Variants in PCDH15 observed in about 807,000 individuals in gnomAD.
The protein encoded by PCDH15 is protocadherin-15.
PCDH15 carries 129 observed loss-of-function variants against 178.5 expected under a neutral mutation model. That is an observed-to-expected ratio of 0.72 (90% CI 0.63 to 0.84). PCDH15 has a LOEUF of 0.84. Among genes scored for constraint, PCDH15 ranks in the 40% least tolerant of loss-of-function variants. The probability of loss-of-function intolerance (pLI) is 0.00; values close to 1 mark genes in which losing one functional copy is unlikely to be tolerated. For synonymous variants in PCDH15, 800 were observed against 732.0 expected, an observed-to-expected ratio of 1.09 and a Z score of -1.50; for missense variants, 2,230 against 2,099.9, an observed-to-expected ratio of 1.06 and a Z score of -1.21.
chr10:53,972,097 C>T (rs548355886), intron 21 of PCDH15, among the ~76,000 whole-genome samples: 1 of 152,164 alleles, frequency 6.6e-6, no homozygotes, highest in South Asian at 2.1e-4. Context: ...GAGATATAGG[C>T]CAATGGAACA....
intron 2 of PCDH15, among the ~76,000 whole-genome samples, chr10:55,422,235 G>T (rs1446277092): frequency 6.6e-6 from 1 of 151,720 alleles, no homozygotes; most frequent in African/African-American, 2.4e-5. Flanking sequence ...CATTTGATAA[G>T]AAATGCCTTC....
chr10:54,728,807 A>G (rs1240820667), intron 1 of PCDH15, among the ~76,000 whole-genome samples: 1 of 151,600 alleles, frequency 6.6e-6, no homozygotes, highest in African/African-American at 2.4e-5. Flanking sequence ...GCCAATCAAG[A>G]GCACAATTGC....
intron 9 of PCDH15, among the ~76,000 whole-genome samples, chr10:54,225,761 T>C (rs1407662334): frequency 6.6e-6 from 1 of 152,228 alleles, no homozygotes; most frequent in Non-Finnish European, 1.5e-5. Context: ...CTTTAACGTT[T>C]TAGGGGCATA....
At position 54,812,761 on chromosome 10, in the gene PCDH15, T is replaced by A. The variant is rs534568892; in HGVS notation, c.-29+84689A>T. On this transcript the variant is annotated intron_variant, in intron 3 of 5. Transcript: ENST00000458638. ...TGTGAGCCACCACACCCAGCCTTTT[T>A]AAAATATTATTATTTTTCGTAGAGA... Among the ~76,000 whole-genome samples the A allele has an allele frequency of 3.9e-5, 6 of 152,210 alleles. No individual in the cohort carries two copies. The South Asian group carries it at 6.2e-4, about 16-fold the overall frequency.
chr10:54,021,056 G>A (rs936270448), intron 19 of PCDH15, among the ~76,000 whole-genome samples: 2 of 151,942 alleles, frequency 1.3e-5, no homozygotes. Flanking sequence ...CACAATTACT[G>A]CCCTACAGGT....
intron 2 of PCDH15, among the ~76,000 whole-genome samples, chr10:55,590,140 A>T (rs1842812590): frequency 6.6e-6 from 1 of 151,840 alleles, no homozygotes; most frequent in Admixed American, 6.6e-5. Flanking sequence ...GCCATAAAAA[A>T]GGATGAGTTC....
At chr10:55,471,602 T>G (rs995984568) in intron 2 of PCDH15, among the ~76,000 whole-genome samples, 7 of 152,246 alleles carry the variant, frequency 4.6e-5, no homozygotes, top group Non-Finnish European at 1.0e-4. Context: ...GTTAAATCCC[T>G]GTTGGCTAGT....
intron 2 of PCDH15, among the ~76,000 whole-genome samples, chr10:54,981,636 C>T (rs182898154): frequency 3.3e-5 from 5 of 152,130 alleles, no homozygotes; most frequent in South Asian, 4.1e-4. Flanking sequence ...TTGGCCTAAT[C>T]GTAAGGAATA....
intron 2 of PCDH15, among the ~76,000 whole-genome samples, chr10:55,491,401 G>T (rs559811616): frequency 6.6e-6 from 1 of 151,836 alleles, no homozygotes; most frequent in African/African-American, 2.4e-5. Context: ...AGCATGCTGA[G>T]AATATTGTGG....
chr10:55,141,153 T>C (rs1838344448), intron 2 of PCDH15, among the ~76,000 whole-genome samples: 1 of 152,034 alleles, frequency 6.6e-6, no homozygotes, highest in African/African-American at 2.4e-5. Context: ...AGTCTGCTCT[T>C]CTTCTTCTGG....
At chr10:55,504,121 G>T (rs1177488083) in intron 2 of PCDH15, among the ~76,000 whole-genome samples, 1 of 151,262 alleles carries the variant, frequency 6.6e-6, no homozygotes, top group African/African-American at 2.4e-5. Flanking sequence ...TGAACCTATA[G>T]AATTTAGAAC....
At position 54,848,473 on chromosome 10, in the gene PCDH15, G is replaced by A. The variant is rs554741549; in HGVS notation, c.-29+48977C>T. 7.3e-5 allele frequency among the ~76,000 whole-genome samples: 11 copies of A among 151,478 alleles called. No individual in the cohort carries two copies. In the East Asian group the frequency reaches 2.1e-3, roughly 30 times the overall value. ...TTCAAGAAGAGAGAGACTTGAGCAT[G>A]CTAACATGTAGCACACTCAGCCCGC... is the stretch of plus-strand genomic sequence containing the variant. On this transcript the variant is annotated intron_variant, in intron 3 of 5. Coordinates refer to the PCDH15 transcript ENST00000458638.
intron 2 of PCDH15, among the ~76,000 whole-genome samples, chr10:54,548,350 A>C (rs2086121432): frequency 6.7e-6 from 1 of 148,334 alleles, no homozygotes; most frequent in East Asian, 2.0e-4. Context: ...TATGTCATCC[A>C]TATATGTGAA....
intron 2 of PCDH15, among the ~76,000 whole-genome samples, chr10:54,952,018 T>G (rs1222632876): frequency 1.3e-5 from 2 of 151,836 alleles, no homozygotes; most frequent in Non-Finnish European, 2.9e-5. Flanking sequence ...TAACGTATCT[T>G]GCACAGTTCA....
intron 1 of PCDH15, among the ~76,000 whole-genome samples, chr10:54,690,764 A>G (rs191669942): frequency 6.6e-6 from 1 of 152,306 alleles, no homozygotes; most frequent in Admixed American, 6.5e-5. Flanking sequence ...TACTGTTAAT[A>G]TCATTCACCA....
intron 1 of PCDH15, among the ~76,000 whole-genome samples, chr10:54,691,861 C>G (rs542315877): frequency 6.6e-6 from 1 of 152,146 alleles, no homozygotes; most frequent in Admixed American, 6.5e-5. Flanking sequence ...ACTTTACAAT[C>G]TTTTATATGA....
At chr10:54,841,172 A>G (rs1953411355) in intron 3 of PCDH15, among the ~76,000 whole-genome samples, 1 of 151,890 alleles carries the variant, frequency 6.6e-6, no homozygotes, top group African/African-American at 2.4e-5. Context: ...ATTGGACCAT[A>G]AAACAAGTCT....
intron 10 of PCDH15, 118 bp downstream of exon 10, chr10:54,213,818 T>C: frequency 3.1e-6 from 2 of 642,974 alleles, no homozygotes; most frequent in South Asian, 3.5e-5. Flanking sequence ...AAAAATTGAC[T>C]GACTGCTGTC....
At chr10:55,075,315 T>A (rs1841857436) in intron 2 of PCDH15, among the ~76,000 whole-genome samples, 1 of 150,490 alleles carries the variant, frequency 6.6e-6, no homozygotes. Flanking sequence ...TTATTTGAGT[T>A]TTGTCTCTTT....
Sources: allele counts gnomAD v4.1 joint callset (sites outside exome capture counted in the v4.1 genomes callset), GRCh38; gene constraint gnomAD v4.1.1; transcripts MANE v1.5; gene names NCBI Gene and HGNC (gene_info 2026-07-23, HGNC 2026-07-21).